Variants in CHST15 observed in about 807,000 individuals in gnomAD.
The protein encoded by CHST15 is B cell RAG associated protein (GALNAC4S-6ST).
In CHST15, 30 loss-of-function variants were observed where a neutral mutation model predicts 53.6. The ratio of observed to expected loss-of-function variants is 0.56; its 90% CI spans 0.42 to 0.76. The LOEUF (loss-of-function observed/expected upper bound fraction) is 0.76. Ranked by LOEUF, CHST15 falls within the 30% of genes least tolerant of loss-of-function variation. CHST15 has a pLI of 0.00. For missense variants in CHST15, 627 were observed against 740.5 expected, an observed-to-expected ratio of 0.85 and a Z score of 1.78; for synonymous variants, 296 against 289.8, an observed-to-expected ratio of 1.02 and a Z score of -0.22.
chr10:124,088,284 G>A (rs1006173201), intron 1 of CHST15, among the ~76,000 whole-genome samples: 3 of 152,324 alleles, frequency 2.0e-5, no homozygotes, highest in African/African-American at 7.2e-5. Context: ...GCCTGTCAAC[G>A]GCGTTACATA....
At chr10:124,055,455 G>T (rs1194546113) in intron 1 of CHST15, among the ~76,000 whole-genome samples, 2 of 152,128 alleles carry the variant, frequency 1.3e-5, no homozygotes, top group Non-Finnish European at 2.9e-5. Context: ...TCACTCCAGG[G>T]TTACTTGCTT....
intron 1 of CHST15, among the ~76,000 whole-genome samples, chr10:124,051,554 G>C (rs147733213): frequency 6.6e-6 from 1 of 152,112 alleles, no homozygotes; most frequent in African/African-American, 2.4e-5. Context: ...CAGACAAGAC[G>C]GGGCCCTTGG....
intron 5 of CHST15, among the ~76,000 whole-genome samples, chr10:124,022,582 C>T (rs1946827442): frequency 6.6e-6 from 1 of 152,156 alleles, no homozygotes; most frequent in South Asian, 2.1e-4. Flanking sequence ...TGTTTGTTGA[C>T]ACTGCTATGC....
chr10:124,045,537 A>G, intron 2 of CHST15, 130 bp downstream of exon 2: 5 of 946,970 alleles, frequency 5.3e-6, no homozygotes, highest in Non-Finnish European at 6.4e-6. Flanking sequence ...AAGGCTGTCA[A>G]ATGATCCTTG....
Position 124,019,833 on chromosome 10 carries a change from C to A in CHST15, c.1347+1423G>T. ...AGGTGGTGCGGCCCCATGTGCCACG[C>A]ACCCAAGCCCCCTGCCTCAGTGCCC... is the stretch of plus-strand genomic sequence containing the variant. On this transcript the variant is annotated intron_variant, in intron 6 of 7. Coordinates refer to ENST00000435907, the MANE Select transcript of CHST15 (RefSeq NM_001270764.2). The surrounding 1 kb of genome is among the most constrained non-coding windows in gnomAD (Gnocchi z 4.6). 4 of 985,732 alleles carry A rather than the reference C, an allele frequency of 4.1e-6. No homozygotes were observed. Among genetic ancestry groups the A allele is most frequent in the Non-Finnish European group, 4.8e-6 (4 of 830,140 alleles). The allele number at this position is 985,732 out of a possible 1,614,324, so 61.1% of individuals were successfully genotyped here. A position where few individuals can be genotyped will look rare whatever the true frequency, so the allele number is the denominator to read the frequency against.
chr10:124,056,414 C>T (rs1948382462), intron 1 of CHST15, among the ~76,000 whole-genome samples: 1 of 152,214 alleles, frequency 6.6e-6, no homozygotes, highest in Non-Finnish European at 1.5e-5. Flanking sequence ...TCAATTCAGA[C>T]TCTATTCATC....
At position 124,036,330 on chromosome 10, in the gene CHST15, C is replaced by A. The variant is rs755426555; in HGVS notation, c.1190+2185G>T. On this transcript the variant is annotated intron_variant, in intron 5 of 7. Transcript: ENST00000435907. The surrounding 1 kb of genome is among the most constrained non-coding windows in gnomAD (Gnocchi z 5.1). ...CCAGCAGGTGGGACATGGCAAGGGA[C>A]GGCAAGTCAGTGCCTGCCTCAGAAC... 6.6e-6 allele frequency among the ~76,000 whole-genome samples: 1 copy of A among 152,182 alleles called. No homozygotes were observed. Among genetic ancestry groups the A allele is most frequent in the African/African-American group, 2.4e-5 (1 of 41,448 alleles).
At chr10:124,014,852 T>G (rs1224741835) in intron 6 of CHST15, among the ~76,000 whole-genome samples, 1 of 152,200 alleles carries the variant, frequency 6.6e-6, no homozygotes, top group African/African-American at 2.4e-5. Context: ...ACCTTGTTTG[T>G]GTCCATCCTC....
At chr10:124,029,662 G>C (rs1036986503) in intron 5 of CHST15, among the ~76,000 whole-genome samples, 1 of 152,242 alleles carries the variant, frequency 6.6e-6, no homozygotes, top group Non-Finnish European at 1.5e-5. Flanking sequence ...GTTTCTACAA[G>C]CAAGAAAACT....
intron 1 of CHST15, among the ~76,000 whole-genome samples, chr10:124,073,849 G>A (rs537001700): frequency 1.9e-4 from 29 of 152,226 alleles, no homozygotes; most frequent in African/African-American, 6.7e-4. Flanking sequence ...TTTACGACCC[G>A]CCTCTCAGTC....
At chr10:124,025,637 C>T (rs1240486966) in intron 5 of CHST15, among the ~76,000 whole-genome samples, 1 of 152,212 alleles carries the variant, frequency 6.6e-6, no homozygotes, top group African/African-American at 2.4e-5. Flanking sequence ...AAGTCTGAAG[C>T]CCAGCCCCTG....
At chr10:124,080,905 G>A (rs1049809664) in intron 1 of CHST15, among the ~76,000 whole-genome samples, 4 of 152,160 alleles carry the variant, frequency 2.6e-5, no homozygotes, top group African/African-American at 7.2e-5. Flanking sequence ...GGGATGCCAC[G>A]TTGAATAAGA....
chr10:124,035,399 A>AGACCCTGGCTCCACCCCTAATAGG (rs1947452077), intron 5 of CHST15, among the ~76,000 whole-genome samples: 1 of 62,580 alleles, frequency 1.6e-5, no homozygotes, highest in Non-Finnish European at 3.2e-5. Flanking sequence ...CCCCTAACAG[A>AGACCCTGGCTCCACCCCTAATAGG]GACCCTGGCT....
chr10:124,009,659 T>C lies in CHST15; in HGVS notation c.*490A>G, dbSNP rs1027217884. The C allele has an allele frequency of 7.0e-6, 7 of 1,001,596 alleles. No individual in the cohort carries two copies. The Admixed American group carries it at 1.6e-4, about 22-fold the overall frequency. The allele number at this position is 1,001,596 out of a possible 1,614,324, so 62.0% of individuals were successfully genotyped here. The stretch of plus-strand genomic sequence containing the variant: ...TGTGGTATGATCACACCTGTGAAGA[T>C]AGCCATTGAATACAGACAGTCTGTG... On this transcript the variant is annotated 3_prime_UTR_variant, in exon 8 of 8. Coordinates refer to ENST00000435907, the MANE Select transcript of CHST15 (RefSeq NM_001270764.2).
chr10:124,038,184 G>A (rs139967034), intron 5 of CHST15, among the ~76,000 whole-genome samples: 1 of 150,868 alleles, frequency 6.6e-6, no homozygotes, highest in African/African-American at 2.4e-5. Context: ...TTGGCCCACT[G>A]CAGCCTCCGC....
chr10:124,079,011 C>T (rs964348097), intron 1 of CHST15, among the ~76,000 whole-genome samples: 2 of 152,144 alleles, frequency 1.3e-5, no homozygotes, highest in Admixed American at 1.3e-4. Context: ...TATGGGGACT[C>T]TGAGCAAGCA....
Position 124,008,237 on chromosome 10 carries a change from A to G in CHST15, c.*1912T>C. 1 of 1,217,018 alleles carries G rather than the reference A, an allele frequency of 8.2e-7. No individual in the cohort carries two copies. The highest frequency in any genetic ancestry group is 1.0e-6 in the Non-Finnish European group (1 of 979,072). The allele number at this position is 1,217,018 out of a possible 1,614,324, so 75.4% of individuals were successfully genotyped here. A position where few individuals can be genotyped will look rare whatever the true frequency, so the allele number is the denominator to read the frequency against. On this transcript the variant is annotated 3_prime_UTR_variant, in exon 8 of 8. Coordinates refer to ENST00000435907, the MANE Select transcript of CHST15 (RefSeq NM_001270764.2). Reference sequence around the variant, plus strand: ...AAATATGTACTGAAAATGACAAGTTAATTGGCAGAGAAATTAATCTATAAA... The same window carrying G: ...AAATATGTACTGAAAATGACAAGTTGATTGGCAGAGAAATTAATCTATAAA...
Position 124,061,521 on chromosome 10 carries a change from C to T in CHST15, c.-512-14797G>A, listed in dbSNP as rs117296976. 4.0e-3 allele frequency among the ~76,000 whole-genome samples: 611 copies of T among 152,264 alleles called. 17 individuals carry two copies. In the South Asian group the frequency reaches 0.073, roughly 18 times the overall value. ...GTCTTGGGCACGTCTTTATCAGCAG[C>T]GTGAAAACGGACTAATACACTCCCC... On this transcript the variant is annotated intron_variant, in intron 1 of 7. Coordinates refer to ENST00000435907, the MANE Select transcript of CHST15 (RefSeq NM_001270764.2).
At chr10:124,092,250 C>G (rs1000597269) in intron 1 of CHST15, 2 of 154,688 alleles carry the variant, frequency 1.3e-5, no homozygotes, top group Non-Finnish European at 2.9e-5. Flanking sequence ...GCGTCGCCTC[C>G]GCGCCCCGGC....
Sources: allele counts gnomAD v4.1 joint callset (sites outside exome capture counted in the v4.1 genomes callset), GRCh38; gene constraint gnomAD v4.1.1; non-coding constraint Gnocchi (gnomAD v3.1); transcripts MANE v1.5; gene names NCBI Gene and HGNC (gene_info 2026-07-23, HGNC 2026-07-21).